SH3BGRL2: variants seen among roughly 807,000 people sequenced by gnomAD.
The protein encoded by SH3BGRL2 is SH3 domain-binding glutamic acid-rich-like protein 2.
Under a neutral mutation model 14.8 loss-of-function variants are expected in SH3BGRL2, and 21 were observed. That is an observed-to-expected ratio of 1.42 (90% CI 1.01 to 2.05). The LOEUF is 2.05. Ranked by LOEUF, SH3BGRL2 falls within the 30% of genes most tolerant of loss-of-function variation. SH3BGRL2 has a pLI of 0.00. For missense variants in SH3BGRL2, 147 were observed against 130.8 expected (o/e 1.12, Z -0.61); for synonymous variants, 50 against 47.8 (o/e 1.05, Z -0.19).
At chr6:79,603,662 A>G in the SH3BGRL2 span, among the ~76,000 whole-genome samples, 1 of 152,160 alleles carries the variant, frequency 6.6e-6, no homozygotes, top group Non-Finnish European at 1.5e-5. Flanking sequence ...TGGCAGGAAA[A>G]TCAGCCCTGA....
chr6:79,674,321 A>G (rs1769838185), intron 2 of SH3BGRL2, among the ~76,000 whole-genome samples: 2 of 152,180 alleles, frequency 1.3e-5, no homozygotes, highest in South Asian at 4.1e-4. Flanking sequence ...CAGAGGGATC[A>G]TTAAGAATAT....
At chr6:79,621,282 C>T in the SH3BGRL2 span, among the ~76,000 whole-genome samples, 1 of 152,146 alleles carries the variant, frequency 6.6e-6, no homozygotes, top group South Asian at 2.1e-4. Context: ...TATTGACACC[C>T]AATCACTAAT....
At chr6:79,586,734 G>A in the SH3BGRL2 span, among the ~76,000 whole-genome samples, 1 of 152,170 alleles carries the variant, frequency 6.6e-6, no homozygotes, top group African/African-American at 2.4e-5. Context: ...AGGGTGGCCT[G>A]GAAGCCTCAA....
chr6:79,687,486 T>C (rs1291710554), intron 2 of SH3BGRL2, among the ~76,000 whole-genome samples: 3 of 152,208 alleles, frequency 2.0e-5, no homozygotes, highest in African/African-American at 7.2e-5. Flanking sequence ...TGCTCATATT[T>C]TTGTATTTGG....
intron 2 of SH3BGRL2, among the ~76,000 whole-genome samples, chr6:79,674,121 G>C (rs946653359): frequency 1.3e-5 from 2 of 151,948 alleles, no homozygotes; most frequent in Non-Finnish European, 2.9e-5. Flanking sequence ...TGTGTATTAT[G>C]TTCTAAATTT....
the SH3BGRL2 span, among the ~76,000 whole-genome samples, chr6:79,560,369 C>T: frequency 6.6e-6 from 1 of 152,230 alleles, no homozygotes; most frequent in South Asian, 2.1e-4. Flanking sequence ...ATAGTAGCAT[C>T]AGACTGAATA....
At chr6:79,589,179 G>A in the SH3BGRL2 span, among the ~76,000 whole-genome samples, 1 of 146,342 alleles carries the variant, frequency 6.8e-6, no homozygotes, top group Non-Finnish European at 1.5e-5. Flanking sequence ...TTCAGTACAG[G>A]TGAAATTATC....
the SH3BGRL2 span, among the ~76,000 whole-genome samples, chr6:79,614,823 G>A: frequency 6.6e-6 from 1 of 152,230 alleles, no homozygotes; most frequent in Non-Finnish European, 1.5e-5. Flanking sequence ...GTTTCAGAAA[G>A]GACTGAGACT....
chr6:79,636,397 A>G (rs559510892), intron 1 of SH3BGRL2, among the ~76,000 whole-genome samples: 1 of 152,288 alleles, frequency 6.6e-6, no homozygotes, highest in African/African-American at 2.4e-5. Flanking sequence ...GAACAGAAAC[A>G]GGGCTGAAGG....
At chr6:79,554,764 G>A in the SH3BGRL2 span, among the ~76,000 whole-genome samples, 1 of 152,006 alleles carries the variant, frequency 6.6e-6, no homozygotes, top group African/African-American at 2.4e-5. Context: ...AAAGTCCCTA[G>A]GTTTTAGTTC....
intron 1 of SH3BGRL2, among the ~76,000 whole-genome samples, chr6:79,633,470 A>AT (rs1305650907): frequency 6.6e-6 from 1 of 152,158 alleles, no homozygotes; most frequent in South Asian, 2.1e-4. Flanking sequence ...GTATAATAAT[A>AT]TACCTATTAG....
At chr6:79,584,193 A>G in the SH3BGRL2 span, among the ~76,000 whole-genome samples, 1 of 152,292 alleles carries the variant, frequency 6.6e-6, no homozygotes, top group Non-Finnish European at 1.5e-5. Context: ...CATTATGGGT[A>G]TATATTAAGC....
chr6:79,594,095 T>A, the SH3BGRL2 span, among the ~76,000 whole-genome samples: 1 of 151,580 alleles, frequency 6.6e-6, no homozygotes, highest in Admixed American at 6.6e-5. Context: ...TAATGTTTAA[T>A]GTATTTGAAG....
upstream of SH3BGRL2, among the ~76,000 whole-genome samples, chr6:79,627,102 C>T (rs1768748574): frequency 6.6e-6 from 1 of 152,162 alleles, no homozygotes; most frequent in South Asian, 2.1e-4. Flanking sequence ...GACTAGCTTC[C>T]TCTTTTTACT....
chr6:79,632,152 AC>A (rs1467329735), intron 1 of SH3BGRL2, among the ~76,000 whole-genome samples: 1 of 151,520 alleles, frequency 6.6e-6, no homozygotes, highest in Non-Finnish European at 1.5e-5. Context: ...TTTTCTTTCC[AC>A]CTGTAATGCT....
the SH3BGRL2 span, among the ~76,000 whole-genome samples, chr6:79,569,691 A>C: frequency 6.6e-6 from 1 of 152,144 alleles, no homozygotes; most frequent in South Asian, 2.1e-4. Flanking sequence ...TTAACTTTGG[A>C]ATGCCCTTGG....
the SH3BGRL2 span, among the ~76,000 whole-genome samples, chr6:79,595,057 G>A: frequency 0.094 from 14,272 of 152,158 alleles, 823 homozygotes; most frequent in Non-Finnish European, 0.13. Context: ...AGGCTGAAGC[G>A]GGTAGATCAC....
the SH3BGRL2 span, among the ~76,000 whole-genome samples, chr6:79,543,694 G>A: frequency 6.6e-6 from 1 of 152,246 alleles, no homozygotes; most frequent in Non-Finnish European, 1.5e-5. Context: ...TTAAAACATA[G>A]GAACTGTCTC....
At chr6:79,688,224 A>G (rs980811777) in intron 2 of SH3BGRL2, among the ~76,000 whole-genome samples, 4 of 151,868 alleles carry the variant, frequency 2.6e-5, no homozygotes, top group African/African-American at 9.7e-5. Context: ...AAAACAAAAA[A>G]CCACAACTGT....
Sources: allele counts gnomAD v4.1 joint callset (sites outside exome capture counted in the v4.1 genomes callset), GRCh38; gene constraint gnomAD v4.1.1; transcripts MANE v1.5; gene names NCBI Gene and HGNC (gene_info 2026-07-23, HGNC 2026-07-21).